CDC42SE2: variants seen among roughly 807,000 people sequenced by gnomAD.
The protein encoded by CDC42SE2 is CDC42 small effector protein 2.
A neutral mutation model predicts 11.5 loss-of-function variants in CDC42SE2; 3 were observed. The observed-to-expected ratio is 0.26, with a 90% CI of 0.12 to 0.67. The LOEUF is 0.67. Ranked by LOEUF, CDC42SE2 falls within the 30% of genes least tolerant of loss-of-function variation. The pLI, the probability that CDC42SE2 is intolerant of heterozygous loss-of-function variation, is 0.80. For missense variants in CDC42SE2, 82 were observed against 106.8 expected (o/e 0.77, Z 1.02); for synonymous variants, 33 against 34.8 (o/e 0.95, Z 0.18).
chr5:131,254,879 A>T (rs1756668406), intron 1 of CDC42SE2, among the ~76,000 whole-genome samples: 1 of 152,150 alleles, frequency 6.6e-6, no homozygotes, highest in Non-Finnish European at 1.5e-5. Flanking sequence ...TTAACTATGT[A>T]GCTTCGATTT....
chr5:131,346,216 TAAAG>T (rs1202116552), intron 2 of CDC42SE2, among the ~76,000 whole-genome samples: 1 of 152,028 alleles, frequency 6.6e-6, no homozygotes, highest in Non-Finnish European at 1.5e-5. Context: ...GCAAATTGGA[TAAAG>T]AGTCAAGACC....
chr5:131,235,717 C>T, the CDC42SE2 span, among the ~76,000 whole-genome samples: 1 of 152,100 alleles, frequency 6.6e-6, no homozygotes, highest in African/African-American at 2.4e-5. Flanking sequence ...GCCTCAACCT[C>T]CCGAGTAGCT....
chr5:131,243,807 A>G (rs1306899380), upstream of CDC42SE2, among the ~76,000 whole-genome samples: 1 of 152,226 alleles, frequency 6.6e-6, no homozygotes, highest in Non-Finnish European at 1.5e-5. Context: ...TCAGTCTGTG[A>G]GAAAGCGGAT....
At chr5:131,235,814 C>T in the CDC42SE2 span, among the ~76,000 whole-genome samples, 1 of 151,724 alleles carries the variant, frequency 6.6e-6, no homozygotes, top group Non-Finnish European at 1.5e-5. Context: ...GGGCTGCTCT[C>T]GAACTCCTGA....
Position 131,345,025 on chromosome 5 carries a change from A to C in CDC42SE2, c.-285-14184A>C, listed in dbSNP as rs1002836562. ...TCACCATATCAAAGACCAAAGGTAGATAAAACCACAAATATGGGGAGAAAC... is the reference window on the plus strand; with the variant it reads ...TCACCATATCAAAGACCAAAGGTAGCTAAAACCACAAATATGGGGAGAAAC... On this transcript the variant is annotated intron_variant, in intron 2 of 4. Transcript: ENST00000505065. Among the ~76,000 whole-genome samples the C allele has an allele frequency of 3.9e-5, 6 of 152,346 alleles. 1 individual carries two copies. The highest frequency in any genetic ancestry group is 3.3e-4 in the Admixed American group (5 of 15,304).
rs185511968 is a variant in CDC42SE2, at chr5:131,257,833, A to G, written n.242+2604A>G. 5.9e-5 allele frequency among the ~76,000 whole-genome samples: 9 copies of G among 152,212 alleles called. No homozygotes were observed. The East Asian group carries it at 1.4e-3, about 23-fold the overall frequency. On this transcript the variant is annotated intron_variant and non_coding_transcript_variant, in intron 2 of 3. Coordinates refer to the CDC42SE2 transcript ENST00000502840. ...CCCGGTGCTTTGAGACCATCTAACA[A>G]GATATTCCGTTTCTCCTCTTCCTGG...
chr5:131,262,489 A>G (rs1003573762), upstream of CDC42SE2, among the ~76,000 whole-genome samples: 8 of 152,056 alleles, frequency 5.3e-5, no homozygotes, highest in African/African-American at 1.9e-4. Flanking sequence ...CATTTATTCT[A>G]GGGACTTGGG....
intron 1 of CDC42SE2, among the ~76,000 whole-genome samples, chr5:131,251,519 CT>C (rs1756638243): frequency 6.6e-6 from 1 of 151,946 alleles, no homozygotes; most frequent in African/African-American, 2.4e-5. Flanking sequence ...ATTTAACATG[CT>C]TTTTAGTAAG....
chr5:131,267,360 A>AT (rs953463093), intron 1 of CDC42SE2, among the ~76,000 whole-genome samples: 27 of 147,664 alleles, frequency 1.8e-4, no homozygotes, highest in East Asian at 9.9e-4. Flanking sequence ...CCAGGCCATA[A>AT]TTTTTTTTTT....
chr5:131,313,530 C>T (rs1039376198), intron 1 of CDC42SE2, among the ~76,000 whole-genome samples: 14 of 152,134 alleles, frequency 9.2e-5, no homozygotes, highest in Admixed American at 3.3e-4. Flanking sequence ...TTTTGGCATG[C>T]GGTATGAATA....
intron 2 of CDC42SE2, among the ~76,000 whole-genome samples, chr5:131,357,508 CTT>C: frequency 6.6e-6 from 1 of 152,296 alleles, no homozygotes; most frequent in South Asian, 2.1e-4. Context: ...TTTAATTTCA[CTT>C]AATGTTCAGG....
chr5:131,312,760 GCA>G (rs1757951942), intron 1 of CDC42SE2, among the ~76,000 whole-genome samples: 1 of 152,152 alleles, frequency 6.6e-6, no homozygotes, highest in African/African-American at 2.4e-5. Flanking sequence ...CTGACCCCTT[GCA>G]CTTCCCGAGT....
chr5:131,368,083 C>G (rs913696710), intron 3 of CDC42SE2, among the ~76,000 whole-genome samples: 3 of 151,816 alleles, frequency 2.0e-5, no homozygotes, highest in Non-Finnish European at 2.9e-5. Context: ...GAAACCCTGT[C>G]TCTACTAAAA....
At chr5:131,321,377 T>C (rs1389874754) in intron 2 of CDC42SE2, among the ~76,000 whole-genome samples, 2 of 152,158 alleles carry the variant, frequency 1.3e-5, no homozygotes, top group East Asian at 1.9e-4. Context: ...GTTACTGATA[T>C]TAGCTGGGTG....
At chr5:131,270,378 G>GAAAAAAAT (rs748674605) in intron 1 of CDC42SE2, among the ~76,000 whole-genome samples, 1 of 151,716 alleles carries the variant, frequency 6.6e-6, no homozygotes, top group Non-Finnish European at 1.5e-5. Context: ...CCGTCTCAAA[G>GAAAAAAAT]AAAAAAATAA....
At position 131,374,203 on chromosome 5, in the gene CDC42SE2, A is replaced by G. The variant is rs1043797187; in HGVS notation, c.55-11340A>G. 2.0e-5 allele frequency among the ~76,000 whole-genome samples: 3 copies of G among 152,218 alleles called. No individual in the cohort carries two copies. The South Asian group carries it at 6.2e-4, about 31-fold the overall frequency. ...CTGAGTGAAATTTCAGACTATCTGGACAAGTCACTTAGCTATTTAATCGGT... is the reference window on the plus strand; with the variant it reads ...CTGAGTGAAATTTCAGACTATCTGGGCAAGTCACTTAGCTATTTAATCGGT... On this transcript the variant is annotated intron_variant, in intron 3 of 4. Transcript: ENST00000505065.
chr5:131,285,001 A>T (rs1318142087), intron 1 of CDC42SE2, among the ~76,000 whole-genome samples: 1 of 151,836 alleles, frequency 6.6e-6, no homozygotes, highest in Non-Finnish European at 1.5e-5. Flanking sequence ...AAAAAACAAA[A>T]CCCAGACCAG....
At chr5:131,229,049 T>G in the CDC42SE2 span, among the ~76,000 whole-genome samples, 1 of 152,198 alleles carries the variant, frequency 6.6e-6, no homozygotes, top group African/African-American at 2.4e-5. Flanking sequence ...TATCCTGAAG[T>G]TTCTGAAGTC....
upstream of CDC42SE2, chr5:131,261,413 GTC>G (rs942071136): frequency 6.6e-6 from 1 of 152,186 alleles, no homozygotes; most frequent in Admixed American, 6.5e-5. Flanking sequence ...ATAAACAAAA[GTC>G]TATTTAATTT....
Sources: allele counts gnomAD v4.1 joint callset (sites outside exome capture counted in the v4.1 genomes callset), GRCh38; gene constraint gnomAD v4.1.1; transcripts MANE v1.5; gene names NCBI Gene and HGNC (gene_info 2026-07-23, HGNC 2026-07-21).